TOMM40L: variants seen among roughly 807,000 people sequenced by gnomAD.
The protein encoded by TOMM40L is translocase of outer mitochondrial membrane 40 like.
A neutral mutation model predicts 38.3 loss-of-function variants in TOMM40L; 17 were observed. The observed-to-expected ratio is 0.44, with a 90% CI of 0.30 to 0.67. The LOEUF (loss-of-function observed/expected upper bound fraction) is 0.67, where lower values mean the gene tolerates loss of function less well. TOMM40L is among the 30% of genes least tolerant of loss of function. The pLI, the probability that TOMM40L is intolerant of heterozygous loss-of-function variation, is 0.08. For missense variants in TOMM40L, 294 were observed against 390.0 expected, an observed-to-expected ratio of 0.75 and a Z score of 2.07; for synonymous variants, 151 against 150.2, an observed-to-expected ratio of 1.01 and a Z score of -0.04.
rs1666408352 is a variant in TOMM40L at position 161,227,281 on chromosome 1, T to G, written c.207T>G (p.Ser69Arg). 1 of 1,614,064 alleles carries G rather than the reference T, an allele frequency of 6.2e-7. No individual in the cohort carries two copies. The highest frequency in any genetic ancestry group is 1.7e-5 in the Admixed American group (1 of 60,002). The change falls in exon 4 of 10, where the codon AGT becomes AGG. Residue 69 changes from serine to arginine, a missense_variant. Ser to Arg is a moderately radical substitution (Grantham distance 110, BLOSUM62 -1). Transcript: ENST00000367988. ...HFQVAHTIHM[S>R]ALGLPGYHLH... Reference sequence around the variant, plus strand: ...AGGTGGCGCACACTATACACATGAGTGCCCTGGGCTTGCCGGGATATCACC... The same window carrying G: ...AGGTGGCGCACACTATACACATGAGGGCCCTGGGCTTGCCGGGATATCACC...
intron 6 of TOMM40L, 79 bp downstream of exon 6, chr1:161,228,068 G>T: frequency 6.3e-7 from 1 of 1,593,648 alleles, no homozygotes. Context: ...CTTCTGTACA[G>T]TTTGGAGTTT....
Position 161,229,121 on chromosome 1 carries a change from C to T in TOMM40L, c.*26C>T. The T allele has an allele frequency of 6.2e-7, 1 of 1,614,170 alleles. No homozygotes were observed. The highest frequency in any genetic ancestry group is 8.5e-7 in the Non-Finnish European group (1 of 1,180,016). On this transcript the variant is annotated 3_prime_UTR_variant, in exon 10 of 10. Coordinates refer to ENST00000367988, the MANE Select transcript of TOMM40L (RefSeq NM_032174.6). The stretch of plus-strand genomic sequence containing the variant: ...GGTTGTCCAGAGCCAGCCCCCACAG[C>T]AGCTGGAACCTCTGAGTCAGGTGCC...
chr1:161,230,116 CTG>C lies in TOMM40L; in HGVS notation c.*1023_*1024del, dbSNP rs1180832162. 1 of 617,192 alleles carries C rather than the reference CTG, an allele frequency of 1.6e-6. No homozygotes were observed. Among genetic ancestry groups the C allele is most frequent in the East Asian group, 2.9e-5 (1 of 33,934 alleles). 38.2% of individuals were successfully genotyped at this position (617,192 alleles called of 1,614,324 possible). The stretch of plus-strand genomic sequence containing the variant: ...TCCTCCAGGGGGCCTCGGTCTGACA[CTG>C]TCTTCTCTCACCATGCTCAGTTTTT... On this transcript the variant is annotated 3_prime_UTR_variant, in exon 10 of 10. Transcript: ENST00000367988.
chr1:161,227,170 C>A (rs745397444), intron 3 of TOMM40L, 88 bp from the exon 4 acceptor site: 1 of 1,388,704 alleles, frequency 7.2e-7, no homozygotes, highest in Non-Finnish European at 1.0e-6. Flanking sequence ...TTGAGAGGCC[C>A]TCTGGATGGG....
Position 161,228,984 on chromosome 1 carries a change from T to G in TOMM40L, c.816T>G (p.Gly272=), listed in dbSNP as rs1375875433. Residue 272 remains glycine (G), a synonymous_variant, in exon 10 of 10, where the codon GGT becomes GGG. Transcript: ENST00000367988. ...TGGTGGATAGTAACTGGTGTGTAGG[T>G]GCTGTGCTGGAGAAGAAGATGCCCC... ...RGLVDSNWCV[G]AVLEKKMPPL... The G allele has an allele frequency of 6.2e-7, 1 of 1,614,018 alleles. No individual in the cohort carries two copies. Among genetic ancestry groups the G allele is most frequent in the Admixed American group, 1.7e-5 (1 of 60,000 alleles).
chr1:161,226,273 G>T (rs75397902), intron 1 of TOMM40L, 82 bp from the exon 2 acceptor site: 3 of 543,810 alleles, frequency 5.5e-6, no homozygotes, highest in Non-Finnish European at 9.9e-6. Context: ...ACAAGTGGGG[G>T]TGAGAGATCA....
Position 161,228,970 on chromosome 1 carries a change from A to T in TOMM40L, c.802A>T (p.Asn268Tyr). 1 of 1,614,192 alleles carries T rather than the reference A, an allele frequency of 6.2e-7. No homozygotes were observed. Among genetic ancestry groups the T allele is most frequent in the Non-Finnish European group, 8.5e-7 (1 of 1,180,026 alleles). Residue 268 changes from asparagine (N) to tyrosine (Y), a missense_variant, in exon 10 of 10, where the codon AAC becomes TAC. Coordinates refer to ENST00000367988, the MANE Select transcript of TOMM40L (RefSeq NM_032174.6). ...NMVFRGLVDS[N>Y]WCVGAVLEKK... ...TCCCCCAACAGGCTTGGTGGATAGTAACTGGTGTGTAGGTGCTGTGCTGGA... is the reference window on the plus strand; with the variant it reads ...TCCCCCAACAGGCTTGGTGGATAGTTACTGGTGTGTAGGTGCTGTGCTGGA...
At chr1:161,226,177 T>G in intron 1 of TOMM40L, 41 bp downstream of exon 1, 1 of 284,550 alleles carries the variant, frequency 3.5e-6, no homozygotes, top group Non-Finnish European at 6.7e-6. Flanking sequence ...TCTTGGGGCC[T>G]GGGAATGAAG....
chr1:161,230,024 T>G lies in TOMM40L; in HGVS notation c.*929T>G. 7.1e-7 allele frequency: 1 copy of G among 1,415,286 alleles called. No individual in the cohort carries two copies. Among genetic ancestry groups the G allele is most frequent in the Non-Finnish European group, 9.8e-7 (1 of 1,021,052 alleles). The allele number at this position is 1,415,286 out of a possible 1,614,324, so 87.7% of individuals were successfully genotyped here. A position where few individuals can be genotyped will look rare whatever the true frequency, so the allele number is the denominator to read the frequency against. On this transcript the variant is annotated 3_prime_UTR_variant, in exon 10 of 10. Coordinates refer to ENST00000367988, the MANE Select transcript of TOMM40L (RefSeq NM_032174.6). ...CCTGATCCCCTGAACTATTCCTCAG[T>G]GAAGCCAGGTCTGAACATTAGAGAA...
Position 161,226,096 on chromosome 1 carries a change from G to T in TOMM40L, c.-176G>T. 6.0e-6 allele frequency: 1 copy of T among 166,080 alleles called. No individual in the cohort carries two copies. Among genetic ancestry groups the T allele is most frequent in the Non-Finnish European group, 1.3e-5 (1 of 76,578 alleles). 10.3% of individuals were successfully genotyped at this position (166,080 alleles called of 1,614,324 possible). On this transcript the variant is annotated 5_prime_UTR_variant, in exon 1 of 10. Coordinates refer to ENST00000367988, the MANE Select transcript of TOMM40L (RefSeq NM_032174.6). Reference sequence around the variant, plus strand: ...TGGCTGCCCCCATCAAGATGACCGGGGTGTGCCGGGGGGAAAGGGGCAGCA... The same window carrying T: ...TGGCTGCCCCCATCAAGATGACCGGTGTGTGCCGGGGGGAAAGGGGCAGCA...
intron 2 of TOMM40L, 114 bp from the exon 3 acceptor site, chr1:161,226,774 G>T (rs1666373246): frequency 7.5e-7 from 1 of 1,338,542 alleles, no homozygotes; most frequent in Admixed American, 2.1e-5. Flanking sequence ...TGCAGGACTT[G>T]AAAGGAGGTT....
At chr1:161,227,443 T>TG (rs550225686) in intron 4 of TOMM40L, 93 bp downstream of exon 4, 130 of 1,279,438 alleles carry the variant, frequency 1.0e-4, no homozygotes, top group Non-Finnish European at 1.4e-4. Context: ...TGGGGAGGAA[T>TG]GGGCCGTAAC....
In TOMM40L at chr1:161,227,708, G is replaced by A. The variant is rs752268797; in HGVS notation, c.349G>A (p.Glu117Lys). 6.2e-7 allele frequency: 1 copy of A among 1,613,360 alleles called. No homozygotes were observed. Among genetic ancestry groups the A allele is most frequent in the African/African-American group, 1.3e-5 (1 of 75,018 alleles). ...CGCCCAGGTCTTGCTCCTCTTGGCA[G>A]AGCGGCTCCGAGCTAAGGCTGTCTT... ...LNAQVLLLLA[E>K]RLRAKAVFQT... The change falls in exon 5 of 10, where the codon GAG (glutamate) becomes AAG (lysine). Residue 117 changes from glutamate to lysine, a missense_variant. Transcript: ENST00000367988.
At position 161,229,818 on chromosome 1, in the gene TOMM40L, C is replaced by A. The variant is rs141332323; in HGVS notation, c.*723C>A. On this transcript the variant is annotated 3_prime_UTR_variant, in exon 10 of 10. Coordinates refer to ENST00000367988, the MANE Select transcript of TOMM40L (RefSeq NM_032174.6). ...GGCCTCAGCTGCAGATCTCCTGGAGCAGCGGCATCATGGCAGACAGGCCCT... is the reference window on the plus strand; with the variant it reads ...GGCCTCAGCTGCAGATCTCCTGGAGAAGCGGCATCATGGCAGACAGGCCCT... The A allele has an allele frequency of 5.3e-5, 86 of 1,614,248 alleles. No homozygotes were observed. The African/African-American group carries it at 8.7e-4, about 16-fold the overall frequency.
rs1558095935 is a variant in TOMM40L, at chr1:161,227,282, G to A, written c.208G>A (p.Ala70Thr). Reference sequence around the variant, plus strand: ...GGTGGCGCACACTATACACATGAGTGCCCTGGGCTTGCCGGGATATCACCT... The same window carrying A: ...GGTGGCGCACACTATACACATGAGTACCCTGGGCTTGCCGGGATATCACCT... ...FQVAHTIHMS[A>T]LGLPGYHLHA... The change falls in exon 4 of 10, where the codon GCC (alanine) becomes ACC (threonine). Residue 70 changes from alanine to threonine, a missense_variant. Physicochemically the swap from Ala to Thr is moderately conservative, Grantham distance 58. Coordinates refer to ENST00000367988, the MANE Select transcript of TOMM40L (RefSeq NM_032174.6). The A allele has an allele frequency of 1.2e-6, 2 of 1,614,184 alleles. No homozygotes were observed. Among genetic ancestry groups the A allele is most frequent in the South Asian group, 1.1e-5 (1 of 91,086 alleles).
chr1:161,230,195 C>CG lies in TOMM40L; in HGVS notation c.*1100_*1101insG. On this transcript the variant is annotated 3_prime_UTR_variant, in exon 10 of 10. Transcript: ENST00000367988. ...GTGTGAAGAAAGCTCCAGACTTGGCCAGAACTCCAACCATGTGGAATCTGA... is the reference window on the plus strand; with the variant it reads ...GTGTGAAGAAAGCTCCAGACTTGGCCGAGAACTCCAACCATGTGGAATCTGA... 1 of 457,778 alleles carries CG rather than the reference C, an allele frequency of 2.2e-6. No homozygotes were observed. The allele number at this position is 457,778 out of a possible 1,614,324, so 28.4% of individuals were successfully genotyped here.
At chr1:161,226,319 C>T (rs1395725234) in intron 1 of TOMM40L, 36 bp from the exon 2 acceptor site, 2 of 607,974 alleles carry the variant, frequency 3.3e-6, no homozygotes, top group African/African-American at 3.7e-5. Context: ...GTTGTCTCTC[C>T]ATGAGTGCTC....
intron 2 of TOMM40L, 122 bp from the exon 3 acceptor site, chr1:161,226,766 C>T: frequency 2.3e-6 from 3 of 1,295,998 alleles, no homozygotes; most frequent in East Asian, 2.4e-5. Context: ...CATTTCATTG[C>T]AGGACTTGAA....
In TOMM40L at chr1:161,229,106, A is replaced by G; in HGVS notation, c.*11A>G. The G allele has an allele frequency of 6.2e-7, 1 of 1,614,188 alleles. No individual in the cohort carries two copies. The highest frequency in any genetic ancestry group is 8.5e-7 in the Non-Finnish European group (1 of 1,180,012). ...ATCACTGTGGGCTGAGGTTGTCCAG[A>G]GCCAGCCCCCACAGCAGCTGGAACC... On this transcript the variant is annotated 3_prime_UTR_variant, in exon 10 of 10. Coordinates refer to ENST00000367988, the MANE Select transcript of TOMM40L (RefSeq NM_032174.6).
Sources: gnomAD v4.1 joint callset for allele counts on GRCh38, gnomAD v4.1.1 for gene constraint, MANE v1.5 for transcripts, NCBI Gene and HGNC (gene_info 2026-07-23, HGNC 2026-07-21) for gene names.